The following CRYBG1 variants were observed in gnomAD, a reference collection of about 807,000 sequenced individuals.
CRYBG1 encodes the protein crystallin beta-gamma domain containing 1, also known as beta/gamma crystallin domain-containing protein 1.
Under a neutral mutation model 189.2 loss-of-function variants are expected in CRYBG1, and 139 were observed. The ratio of observed to expected loss-of-function variants is 0.73; its 90% CI spans 0.64 to 0.85. The LOEUF (loss-of-function observed/expected upper bound fraction) is 0.85. Among genes scored for constraint, CRYBG1 ranks in the 40% least tolerant of loss-of-function variants. The probability of loss-of-function intolerance (pLI) is 0.00; values close to 1 mark genes in which losing one functional copy is unlikely to be tolerated. For synonymous variants in CRYBG1, 1,023 were observed against 1,017.1 expected (o/e 1.01, Z -0.11); for missense variants, 2,611 against 2,675.8 (o/e 0.98, Z 0.53).
At chr6:106,496,595 T>G (rs1263454331) in intron 2 of CRYBG1, among the ~76,000 whole-genome samples, 1 of 152,218 alleles carries the variant, frequency 6.6e-6, no homozygotes, top group Admixed American at 6.5e-5. Flanking sequence ...TTTCTGATAT[T>G]TTGGTCAACC....
At chr6:106,536,092 G>A (rs1402869252) in intron 8 of CRYBG1, among the ~76,000 whole-genome samples, 1 of 152,130 alleles carries the variant, frequency 6.6e-6, no homozygotes. Context: ...AAAAGATTTA[G>A]GCCAGCTGTC....
In CRYBG1 at chr6:106,513,053, C is replaced by T. The variant is rs769499709; in HGVS notation, c.1922+14C>T. On this transcript the variant is annotated intron_variant, in intron 3 of 21. Transcript: ENST00000633556. ...TAAAGTGACCCTGTAAGTAGCCGCG[C>T]AAGTCCCGGCCGAGTTGCTGTCCGC... 2.5e-6 allele frequency: 4 copies of T among 1,592,260 alleles called. No homozygotes were observed. The highest frequency in any genetic ancestry group is 8.5e-7 in the Non-Finnish European group (1 of 1,176,262).
intron 2 of CRYBG1, among the ~76,000 whole-genome samples, chr6:106,496,257 T>A (rs1772849081): frequency 6.6e-6 from 1 of 152,206 alleles, no homozygotes; most frequent in Non-Finnish European, 1.5e-5. Context: ...TATTAAACTT[T>A]GCTTCACCAG....
chr6:106,478,771 C>T (rs904608098), intron 2 of CRYBG1, among the ~76,000 whole-genome samples: 46 of 152,140 alleles, frequency 3.0e-4, no homozygotes, highest in African/African-American at 1.0e-3. Flanking sequence ...GCATTACCAC[C>T]GGAGCTCCAC....
At chr6:106,548,896 CCCCCA>C (rs1430747168) in intron 13 of CRYBG1, among the ~76,000 whole-genome samples, 1 of 118,456 alleles carries the variant, frequency 8.4e-6, no homozygotes, top group Non-Finnish European at 1.7e-5. Flanking sequence ...CTCCCCCCTC[CCCCCA>C]CCCCACAACA....
At chr6:106,456,319 A>ATTTT (rs34545384) in intron 2 of CRYBG1, among the ~76,000 whole-genome samples, 2,465 of 142,404 alleles carry the variant, frequency 0.017, 71 homozygotes, top group African/African-American at 0.06. Flanking sequence ...ATGCCCAGCT[A>ATTTT]TTTTTTTTTT....
At chr6:106,405,046 C>T (rs1770796078) in intron 1 of CRYBG1, among the ~76,000 whole-genome samples, 1 of 152,054 alleles carries the variant, frequency 6.6e-6, no homozygotes, top group African/African-American at 2.4e-5. Context: ...TGTTCACTCC[C>T]CTGGAAAGGG....
chr6:106,457,629 T>C (rs953949469), intron 2 of CRYBG1, among the ~76,000 whole-genome samples: 1 of 152,228 alleles, frequency 6.6e-6, no homozygotes, highest in African/African-American at 2.4e-5. Flanking sequence ...TTGTGCCATC[T>C]GGTGTGATTA....
At chr6:106,400,420 A>G (rs1401195663) in intron 1 of CRYBG1, among the ~76,000 whole-genome samples, 2 of 152,134 alleles carry the variant, frequency 1.3e-5, no homozygotes, top group African/African-American at 4.8e-5. Context: ...TGTTTTCTTC[A>G]TCTTTTCTTT....
In CRYBG1 at chr6:106,493,728, G is replaced by A. The variant is rs568912888; in HGVS notation, c.313-17702G>A. 6.6e-5 allele frequency among the ~76,000 whole-genome samples: 10 copies of A among 152,164 alleles called. 1 individual carries two copies. The highest frequency in any genetic ancestry group is 1.3e-4 in the Non-Finnish European group (9 of 68,028). On this transcript the variant is annotated intron_variant, in intron 2 of 21. Coordinates refer to ENST00000633556, the MANE Select transcript of CRYBG1 (RefSeq NM_001371242.2). ...ATGCAGGAACAGAAAACCAAACACCGCATGTTCTCACTTATAAGTGGGATG... is the reference window on the plus strand; with the variant it reads ...ATGCAGGAACAGAAAACCAAACACCACATGTTCTCACTTATAAGTGGGATG...
At chr6:106,409,555 C>A (rs962950109) in intron 1 of CRYBG1, among the ~76,000 whole-genome samples, 1 of 150,398 alleles carries the variant, frequency 6.6e-6, no homozygotes, top group Non-Finnish European at 1.5e-5. Flanking sequence ...AAAAAGAGCC[C>A]GTGTAGCCAA....
intron 1 of CRYBG1, among the ~76,000 whole-genome samples, chr6:106,403,549 C>T (rs1770763364): frequency 1.3e-5 from 2 of 152,336 alleles, no homozygotes; most frequent in African/African-American, 4.8e-5. Context: ...CGGAGCACCA[C>T]TTTCTACCTT....
intron 20 of CRYBG1, among the ~76,000 whole-genome samples, chr6:106,563,540 G>A (rs1050753361): frequency 3.3e-5 from 5 of 152,160 alleles, no homozygotes; most frequent in African/African-American, 1.2e-4. Context: ...AGTCTCTGAC[G>A]ATGCACAAAC....
chr6:106,541,763 C>A, intron 10 of CRYBG1, 142 bp downstream of exon 10: 2 of 670,326 alleles, frequency 3.0e-6, no homozygotes, highest in South Asian at 2.0e-5. Flanking sequence ...CTCTGTCACA[C>A]ATAAATGCAG....
In CRYBG1 at chr6:106,563,818, A is replaced by C. The variant is rs760412209; in HGVS notation, c.6193A>C (p.Lys2065Gln). The C allele has an allele frequency of 6.2e-7, 1 of 1,613,032 alleles. No homozygotes were observed. Among genetic ancestry groups the C allele is most frequent in the Non-Finnish European group, 8.5e-7 (1 of 1,179,034 alleles). Residue 2065 changes from lysine (K) to glutamine (Q), a missense_variant, in exon 21 of 22, where the codon AAG (lysine) becomes CAG (glutamine). Transcript: ENST00000633556. ...GGGCAGCCTGGTAACATCTGGCTCC[A>C]AGCTAGGCCTGGCCCTGGACCAGAA... ...IVGSLVTSGS[K>Q]LGLALDQNAD...
chr6:106,386,898 A>T (rs1345493738), intron 1 of CRYBG1, among the ~76,000 whole-genome samples: 1 of 152,190 alleles, frequency 6.6e-6, no homozygotes, highest in Non-Finnish European at 1.5e-5. Flanking sequence ...GCTCTAGAGG[A>T]GACAGAGTTG....
intron 2 of CRYBG1, among the ~76,000 whole-genome samples, chr6:106,461,716 C>T (rs867894442): frequency 3.9e-5 from 6 of 152,150 alleles, no homozygotes; most frequent in African/African-American, 1.2e-4. Flanking sequence ...GCTCCGGACA[C>T]TCCAGCTCTC....
In CRYBG1 at chr6:106,568,768, GTCC is replaced by G. The variant is rs1774972697; in HGVS notation, c.*207_*209del. Reference sequence around the variant, plus strand: ...TATCATAGCTTTAAACCAATAATTTGTCCTCCTTTCATTTCTTGCCTTTCATTT... The same window carrying G: ...TATCATAGCTTTAAACCAATAATTTGTCCTTTCATTTCTTGCCTTTCATTT... On this transcript the variant is annotated 3_prime_UTR_variant, in exon 22 of 22. Coordinates refer to ENST00000633556, the MANE Select transcript of CRYBG1 (RefSeq NM_001371242.2). 8.6e-6 allele frequency: 4 copies of G among 466,984 alleles called. No homozygotes were observed. In the South Asian group the frequency reaches 1.4e-4, roughly 16 times the overall value. The allele number at this position is 466,984 out of a possible 1,614,324, so 28.9% of individuals were successfully genotyped here. A position where few individuals can be genotyped will look rare whatever the true frequency, so the allele number is the denominator to read the frequency against.
Position 106,360,960 on chromosome 6 carries a change from A to C in CRYBG1, c.52A>C (p.Arg18=), listed in dbSNP as rs1194303041. ...QGDPGEPSPC[R]PPKKHTTFHL... ...CGACCCCGGGGAGCCCAGCCCGTGC[A>C]GGCCCCCTAAGAAGCACACCACCTT... is the stretch of plus-strand genomic sequence containing the variant. Residue 18 remains arginine, a synonymous_variant, in exon 1 of 22, where the codon AGG becomes CGG. Coordinates refer to ENST00000633556, the MANE Select transcript of CRYBG1 (RefSeq NM_001371242.2). 1 of 1,535,034 alleles carries C rather than the reference A, an allele frequency of 6.5e-7. No individual in the cohort carries two copies. Among genetic ancestry groups the C allele is most frequent in the African/African-American group, 1.4e-5 (1 of 73,010 alleles).
Sources: gnomAD v4.1 joint callset for allele counts (sites outside exome capture counted in the v4.1 genomes callset) on GRCh38, gnomAD v4.1.1 for gene constraint, MANE v1.5 for transcripts, NCBI Gene and HGNC (gene_info 2026-07-23, HGNC 2026-07-21) for gene names.